Variants in MCOLN2 observed in about 807,000 individuals in gnomAD.
MCOLN2 encodes the protein mucolipin TRP cation channel 2.
Under a neutral mutation model 67.5 loss-of-function variants are expected in MCOLN2, and 57 were observed. The observed-to-expected ratio is 0.84, with a 90% CI of 0.68 to 1.05. The LOEUF (loss-of-function observed/expected upper bound fraction) is 1.05. MCOLN2 is among the 50% of genes least tolerant of loss of function. The probability of loss-of-function intolerance (pLI) is 0.00; values close to 1 mark genes in which losing one functional copy is unlikely to be tolerated. For synonymous variants in MCOLN2, 246 were observed against 233.3 expected, an observed-to-expected ratio of 1.05 and a Z score of -0.50; for missense variants, 620 against 678.8, an observed-to-expected ratio of 0.91 and a Z score of 0.96.
At chr1:84,937,034 G>A (rs544325440) in intron 11 of MCOLN2, among the ~76,000 whole-genome samples, 1 of 152,264 alleles carries the variant, frequency 6.6e-6, no homozygotes, top group South Asian at 2.1e-4. Context: ...TGTTCCAACT[G>A]CCACAGGCCC....
chr1:84,947,905 C>A (rs1263658374), intron 6 of MCOLN2, among the ~76,000 whole-genome samples: 2 of 152,218 alleles, frequency 1.3e-5, no homozygotes, highest in Non-Finnish European at 2.9e-5. Context: ...CATCTGAGAC[C>A]CTGACATCTG....
intron 1 of MCOLN2, among the ~76,000 whole-genome samples, chr1:84,969,397 C>T (rs892034043): frequency 3.3e-5 from 5 of 151,996 alleles, no homozygotes; most frequent in Non-Finnish European, 7.4e-5. Context: ...ACAGTGAAAC[C>T]CCATTTCTAT....
rs573460892 is a variant in MCOLN2 at position 84,936,809 on chromosome 1, C to A, written c.1335+946G>T. ...TTGATCACAGATTTGGTTAATGCAACTAACAAGGTCAAAACTTAAGGCTGA... is the reference window on the plus strand; with the variant it reads ...TTGATCACAGATTTGGTTAATGCAAATAACAAGGTCAAAACTTAAGGCTGA... On this transcript the variant is annotated intron_variant, in intron 11 of 13. Transcript: ENST00000370608. Among the ~76,000 whole-genome samples the A allele has an allele frequency of 2.6e-5, 4 of 152,306 alleles. No homozygotes were observed. In the South Asian group the frequency reaches 8.3e-4, roughly 32 times the overall value.
At chr1:84,980,228 A>C (rs1355226094) in intron 1 of MCOLN2, among the ~76,000 whole-genome samples, 1 of 152,190 alleles carries the variant, frequency 6.6e-6, no homozygotes, top group Non-Finnish European at 1.5e-5. Flanking sequence ...ATAGTGTTAA[A>C]ACGTCCACAC....
chr1:84,931,419 T>TA lies in MCOLN2; in HGVS notation c.1484dup (p.Tyr496IlefsTer16), dbSNP rs747018921. ...CAATAAAAAGACTGAGAATCATATA[T>TA]ATAAAAAGGCTGATGAAGGAATATA... On this transcript the variant is annotated frameshift_variant, in exon 12 of 14. Coordinates refer to ENST00000370608, the MANE Select transcript of MCOLN2 (RefSeq NM_153259.4). LOFTEE classifies it high-confidence loss of function. 1.3e-6 allele frequency: 2 copies of TA among 1,599,086 alleles called. No homozygotes were observed. The highest frequency in any genetic ancestry group is 1.7e-6 in the Non-Finnish European group (2 of 1,166,486).
chr1:84,988,351 C>T (rs557597263), intron 1 of MCOLN2, among the ~76,000 whole-genome samples: 2 of 152,162 alleles, frequency 1.3e-5, no homozygotes, highest in Admixed American at 1.3e-4. Context: ...TGTGTCCAGC[C>T]CACCTGAGGA....
At chr1:84,949,795 AAAC>A (rs1557641502) in intron 6 of MCOLN2, among the ~76,000 whole-genome samples, 1 of 152,180 alleles carries the variant, frequency 6.6e-6, no homozygotes, top group African/African-American at 2.4e-5. Flanking sequence ...AGAAAAAAAA[AAAC>A]AACAAAACTG....
At chr1:84,935,494 A>C (rs1047920501) in intron 11 of MCOLN2, among the ~76,000 whole-genome samples, 10 of 152,220 alleles carry the variant, frequency 6.6e-5, no homozygotes, top group African/African-American at 1.9e-4. Flanking sequence ...CATCCAATAG[A>C]TAGCTAGTCC....
At chr1:84,971,729 A>G (rs1557656476) in intron 1 of MCOLN2, among the ~76,000 whole-genome samples, 1 of 152,176 alleles carries the variant, frequency 6.6e-6, no homozygotes. Flanking sequence ...GGGGTTTTAC[A>G]GGAGTCTTAA....
At chr1:84,992,724 TCTA>T (rs1650950577) in intron 1 of MCOLN2, among the ~76,000 whole-genome samples, 1 of 150,012 alleles carries the variant, frequency 6.7e-6, no homozygotes, top group African/African-American at 2.5e-5. Context: ...TATACCATAG[TCTA>T]TTAAGTCTGC....
rs1160538205 is a variant in MCOLN2 at position 84,960,950 on chromosome 1, T to A, written c.238-2248A>T. 2.0e-5 allele frequency among the ~76,000 whole-genome samples: 3 copies of A among 152,188 alleles called. No homozygotes were observed. The East Asian group carries it at 5.8e-4, about 29-fold the overall frequency. On this transcript the variant is annotated intron_variant, in intron 2 of 13. Coordinates refer to ENST00000370608, the MANE Select transcript of MCOLN2 (RefSeq NM_153259.4). ...TGAGAACCAGGCATTGTGCTAAAATTTATAATTATTATTTCTCATTTAATT... is the reference window on the plus strand; with the variant it reads ...TGAGAACCAGGCATTGTGCTAAAATATATAATTATTATTTCTCATTTAATT...
intron 9 of MCOLN2, 45 bp from the exon 10 acceptor site, chr1:84,938,127 GACTCC>G: frequency 7.1e-7 from 1 of 1,401,442 alleles, no homozygotes; most frequent in Non-Finnish European, 1.0e-6. Flanking sequence ...TAAAATATTT[GACTCC>G]ACTTAGCTTA....
intron 13 of MCOLN2, among the ~76,000 whole-genome samples, chr1:84,926,998 T>A (rs934614219): frequency 6.9e-6 from 1 of 145,050 alleles, no homozygotes; most frequent in African/African-American, 2.6e-5. Context: ...CTTAAGAACC[T>A]CCATGCCCCC....
chr1:84,944,857 A>C (rs533648260), intron 7 of MCOLN2, among the ~76,000 whole-genome samples: 98 of 152,262 alleles, frequency 6.4e-4, no homozygotes, highest in African/African-American at 2.2e-3. Context: ...GTCCCACCAG[A>C]TGTCGCCCTT....
intron 13 of MCOLN2, among the ~76,000 whole-genome samples, chr1:84,929,040 A>G (rs1413386096): frequency 6.6e-6 from 1 of 152,212 alleles, no homozygotes; most frequent in African/African-American, 2.4e-5. Flanking sequence ...ACTGAGGTCT[A>G]GACCATTTCT....
intron 6 of MCOLN2, among the ~76,000 whole-genome samples, chr1:84,947,774 C>T (rs146130789): frequency 2.8e-3 from 431 of 151,786 alleles, no homozygotes; most frequent in Non-Finnish European, 4.1e-3. Flanking sequence ...GTGTGTTCTG[C>T]CCTGGGGGCC....
In MCOLN2 at chr1:84,958,648, T is replaced by A; in HGVS notation, c.292A>T (p.Thr98Ser). The A allele has an allele frequency of 6.2e-7, 1 of 1,602,656 alleles. No individual in the cohort carries two copies. The highest frequency in any genetic ancestry group is 8.5e-7 in the Non-Finnish European group (1 of 1,177,326). The change falls in exon 3 of 14, where the codon ACT (threonine) becomes TCT (serine). Residue 98 changes from threonine (T) to serine (S), a missense_variant. Coordinates refer to ENST00000370608, the MANE Select transcript of MCOLN2 (RefSeq NM_153259.4). ...QLVVAFKEDN[T>S]VAFKHLFLKG... ...AAAAACAAGTGCTTAAAAGCAACAG[T>A]GTTATCTTCTTTGAAAGCAACCACC...
chr1:84,986,465 C>G (rs1356380534), intron 1 of MCOLN2, among the ~76,000 whole-genome samples: 1 of 151,558 alleles, frequency 6.6e-6, no homozygotes, highest in Non-Finnish European at 1.5e-5. Context: ...ATCACTTGAA[C>G]CCAGGAGGCG....
chr1:84,969,667 G>T (rs1649565257), intron 1 of MCOLN2, among the ~76,000 whole-genome samples: 1 of 151,994 alleles, frequency 6.6e-6, no homozygotes, highest in African/African-American at 2.4e-5. Context: ...TCCTGAGCCT[G>T]ACACACTCAC....
Sources: gnomAD v4.1 joint callset for allele counts (sites outside exome capture counted in the v4.1 genomes callset) on GRCh38, gnomAD v4.1.1 for gene constraint, MANE v1.5 for transcripts, NCBI Gene and HGNC (gene_info 2026-07-23, HGNC 2026-07-21) for gene names.